The following BAZ2B variants were observed in gnomAD, a reference collection of about 807,000 sequenced individuals.
BAZ2B encodes bromodomain adjacent to zinc finger domain 2B, also known as bromodomain adjacent to zinc finger domain protein 2B.
A neutral mutation model predicts 246.0 loss-of-function variants in BAZ2B; 91 were observed. That is an observed-to-expected ratio of 0.37 (90% CI 0.31 to 0.44). BAZ2B has a LOEUF of 0.44. Among genes scored for constraint, BAZ2B ranks in the 20% least tolerant of loss-of-function variants. The pLI, the probability that BAZ2B is intolerant of heterozygous loss-of-function variation, is 1.00. For synonymous variants in BAZ2B, 855 were observed against 860.0 expected, an observed-to-expected ratio of 0.99 and a Z score of 0.10; for missense variants, 2,332 against 2,533.7, an observed-to-expected ratio of 0.92 and a Z score of 1.71.
chr2:159,358,577 A>G (rs1671122283), intron 27 of BAZ2B, among the ~76,000 whole-genome samples: 1 of 152,232 alleles, frequency 6.6e-6, no homozygotes, highest in South Asian at 2.1e-4. Context: ...TAACAAGAAC[A>G]TTCAGGATTT....
chr2:159,509,555 T>A (rs2082692687), intron 2 of BAZ2B, among the ~76,000 whole-genome samples: 2 of 152,188 alleles, frequency 1.3e-5, no homozygotes, highest in Admixed American at 1.3e-4. Context: ...CAGCCTAATC[T>A]TTTACATTCA....
In BAZ2B at chr2:159,555,069, G is replaced by GT. The variant is rs1559762513; in HGVS notation, c.-3+753_-3+754insA. On this transcript the variant is annotated intron_variant, in intron 2 of 36. Coordinates refer to ENST00000392783, the MANE Select transcript of BAZ2B (RefSeq NM_013450.4). ...TATGTGGTATGTGGTGTATGTGGGG[G>GT]GTGTGTGTGTGTGTGTGTGTATTTT... Among the ~76,000 whole-genome samples, 119 of 123,512 alleles carry GT rather than the reference G, an allele frequency of 9.6e-4. 1 individual carries two copies. Among genetic ancestry groups the GT allele is most frequent in the East Asian group, 4.2e-3 (18 of 4,324 alleles). The allele number at this position is 123,512 out of a possible 152,430, so 81.0% of individuals were successfully genotyped here. A position where few individuals can be genotyped will look rare whatever the true frequency, so the allele number is the denominator to read the frequency against.
At chr2:159,617,923 G>A (rs1349534042), upstream of BAZ2B, among the ~76,000 whole-genome samples, 1 of 152,120 alleles carries the variant, frequency 6.6e-6, no homozygotes, top group African/African-American at 2.4e-5. Context: ...TGTCTAATAG[G>A]GATATCTGAA....
chr2:159,387,341 GTCA>G (rs1472009222), intron 21 of BAZ2B, among the ~76,000 whole-genome samples: 1 of 152,044 alleles, frequency 6.6e-6, no homozygotes, highest in Non-Finnish European at 1.5e-5. Flanking sequence ...AGTACCAGTT[GTCA>G]TCAACATTTT....
intron 13 of BAZ2B, among the ~76,000 whole-genome samples, chr2:159,421,641 A>G (rs2150054609): frequency 6.6e-6 from 1 of 152,264 alleles, no homozygotes; most frequent in African/African-American, 2.4e-5. Context: ...AAAAGTTAAT[A>G]TTTTCAACAA....
chr2:159,595,351 C>G (rs1690439566), intron 1 of BAZ2B, among the ~76,000 whole-genome samples: 1 of 152,150 alleles, frequency 6.6e-6, no homozygotes, highest in Non-Finnish European at 1.5e-5. Context: ...ATCTGCCCAC[C>G]TCGGCCTCCC....
At chr2:159,524,070 T>C (rs2084450813) in intron 2 of BAZ2B, among the ~76,000 whole-genome samples, 1 of 152,046 alleles carries the variant, frequency 6.6e-6, no homozygotes, top group African/African-American at 2.4e-5. Context: ...CTCAGCAAAA[T>C]TTTAAATTGA....
chr2:159,670,583 T>C, the BAZ2B span: 231 of 152,336 alleles, frequency 1.5e-3, 1 homozygote, highest in African/African-American at 5.2e-3. Context: ...AATGTAAATA[T>C]GTATTACATC....
chr2:159,365,655 T>C (rs558462826), intron 27 of BAZ2B, among the ~76,000 whole-genome samples: 2 of 152,340 alleles, frequency 1.3e-5, no homozygotes, highest in East Asian at 1.9e-4. Flanking sequence ...TGTATGCTTA[T>C]TCTGCAAGTG....
intron 31 of BAZ2B, among the ~76,000 whole-genome samples, chr2:159,338,950 G>C (rs899116944): frequency 3.3e-5 from 5 of 151,894 alleles, no homozygotes; most frequent in African/African-American, 1.2e-4. Context: ...TATATGACAA[G>C]CTTTCTTATG....
the BAZ2B span, among the ~76,000 whole-genome samples, chr2:159,704,954 G>A: frequency 6.6e-6 from 1 of 151,608 alleles, no homozygotes; most frequent in Non-Finnish European, 1.5e-5. Flanking sequence ...CGCCCAGTTC[G>A]GCCTCCCAAA....
chr2:159,360,866 A>C (rs764953314), intron 27 of BAZ2B, among the ~76,000 whole-genome samples: 22 of 152,376 alleles, frequency 1.4e-4, no homozygotes, highest in Non-Finnish European at 2.4e-4. Context: ...TTCCCTGTTT[A>C]ATAAATGGTG....
At chr2:159,405,224 T>A (rs1458583377) in intron 14 of BAZ2B, 110 bp from the exon 15 acceptor site, 17 of 976,180 alleles carry the variant, frequency 1.7e-5, no homozygotes, top group Non-Finnish European at 2.5e-5. Context: ...TATTACTTTT[T>A]TTTTTGAGAT....
At chr2:159,411,578 G>A (rs2066849799) in intron 14 of BAZ2B, among the ~76,000 whole-genome samples, 1 of 151,718 alleles carries the variant, frequency 6.6e-6, no homozygotes, top group Admixed American at 6.6e-5. Context: ...CAAATATAAG[G>A]TATCTACACA....
At chr2:159,425,789 A>G (rs2069724115) in intron 13 of BAZ2B, among the ~76,000 whole-genome samples, 1 of 152,212 alleles carries the variant, frequency 6.6e-6, no homozygotes, top group Non-Finnish European at 1.5e-5. Flanking sequence ...ATTTCACATC[A>G]TAATTACTAT....
chr2:159,375,202 G>A (rs544595997), intron 25 of BAZ2B, among the ~76,000 whole-genome samples: 2 of 152,088 alleles, frequency 1.3e-5, no homozygotes, highest in African/African-American at 2.4e-5. Flanking sequence ...ATCCCCAGAA[G>A]AAACAAAACA....
upstream of BAZ2B, among the ~76,000 whole-genome samples, chr2:159,621,317 T>C (rs1030689100): frequency 6.6e-6 from 1 of 152,174 alleles, no homozygotes; most frequent in Non-Finnish European, 1.5e-5. Flanking sequence ...GAATTCACCA[T>C]GTCTGGGTGG....
chr2:159,442,628 A>C lies in BAZ2B; in HGVS notation c.697-3416T>G, dbSNP rs568578895. ...AGTGCTATCCATCCTATAAAACTGAAATTCTATACCTATTAAACACTAACT... is the reference window on the plus strand; with the variant it reads ...AGTGCTATCCATCCTATAAAACTGACATTCTATACCTATTAAACACTAACT... On this transcript the variant is annotated intron_variant, in intron 6 of 36. Coordinates refer to ENST00000392783, the MANE Select transcript of BAZ2B (RefSeq NM_013450.4). Among the ~76,000 whole-genome samples the C allele has an allele frequency of 2.0e-5, 3 of 152,316 alleles. No individual in the cohort carries two copies. In the South Asian group the frequency reaches 6.2e-4, roughly 32 times the overall value.
chr2:159,620,490 A>T (rs1696387617), upstream of BAZ2B, among the ~76,000 whole-genome samples: 1 of 152,194 alleles, frequency 6.6e-6, no homozygotes, highest in Admixed American at 6.5e-5. Flanking sequence ...AGATACAAAT[A>T]ATAAAGTTTT....
Sources: allele counts gnomAD v4.1 joint callset (sites outside exome capture counted in the v4.1 genomes callset), GRCh38; gene constraint gnomAD v4.1.1; transcripts MANE v1.5; gene names NCBI Gene and HGNC (gene_info 2026-07-23, HGNC 2026-07-21).